MROH9: variants seen among roughly 807,000 people sequenced by gnomAD.
The protein encoded by MROH9 is maestro heat like repeat family member 9.
A neutral mutation model predicts 98.2 loss-of-function variants in MROH9; 92 were observed. That is an observed-to-expected ratio of 0.94 (90% CI 0.79 to 1.11). The LOEUF (loss-of-function observed/expected upper bound fraction) is 1.11. Among genes scored for constraint, MROH9 ranks in the 50% most tolerant of loss-of-function variants. The pLI, the probability that MROH9 is intolerant of heterozygous loss-of-function variation, is 0.00. For missense variants in MROH9, 1,057 were observed against 1,014.8 expected, an observed-to-expected ratio of 1.04 and a Z score of -0.57; for synonymous variants, 397 against 368.9, an observed-to-expected ratio of 1.08 and a Z score of -0.87.
At chr1:170,948,992 A>C (rs1219054069) in intron 3 of MROH9, among the ~76,000 whole-genome samples, 1 of 152,136 alleles carries the variant, frequency 6.6e-6, no homozygotes, top group Non-Finnish European at 1.5e-5. Context: ...GGCAAAGTGA[A>C]GGAAGCAGGA....
rs761335755 is a variant in MROH9, at chr1:170,947,590, A to G, written c.72+17A>G. The G allele has an allele frequency of 6.3e-7, 1 of 1,590,270 alleles. No homozygotes were observed. ...CACCACATGGTAAGTGATATTCTAT[A>G]AGGATATCAACGTAACTGAATTCTC... is the stretch of plus-strand genomic sequence containing the variant. On this transcript the variant is annotated intron_variant, in intron 3 of 21. Coordinates refer to ENST00000367759, the MANE Select transcript of MROH9 (RefSeq NM_001163629.2).
intron 12 of MROH9, among the ~76,000 whole-genome samples, chr1:170,992,986 A>C (rs1651414848): frequency 6.6e-6 from 1 of 152,220 alleles, no homozygotes; most frequent in Non-Finnish European, 1.5e-5. Context: ...GAGACAGAGT[A>C]GTATAAAGTT....
chr1:170,987,288 T>C lies in MROH9; in HGVS notation c.879+578T>C, dbSNP rs147277501. Among the ~76,000 whole-genome samples, 45 of 152,354 alleles carry C rather than the reference T, an allele frequency of 3.0e-4. 1 individual carries two copies. The highest frequency in any genetic ancestry group is 1.0e-3 in the African/African-American group (42 of 41,586). On this transcript the variant is annotated intron_variant, in intron 10 of 21. Transcript: ENST00000367759. ...GCTTTAGAATTTTTAAAGAAATACA[T>C]TAACAGCAATAAAATAGTATAGCTG...
At chr1:170,995,660 C>G in intron 13 of MROH9, 129 bp downstream of exon 13, 1 of 1,085,016 alleles carries the variant, frequency 9.2e-7, no homozygotes, top group Non-Finnish European at 1.3e-6. Flanking sequence ...TTACAGTTTT[C>G]TCTCCTCTGA....
At chr1:171,050,204 C>T (rs954558050) in intron 20 of MROH9, among the ~76,000 whole-genome samples, 4 of 151,920 alleles carry the variant, frequency 2.6e-5, no homozygotes, top group African/African-American at 9.7e-5. Context: ...ATTTCTTTAC[C>T]CAAGCCAATG....
chr1:170,947,365 T>C (rs781121294), intron 2 of MROH9, among the ~76,000 whole-genome samples, 162 bp from the exon 3 acceptor site: 1 of 152,032 alleles, frequency 6.6e-6, no homozygotes, highest in Non-Finnish European at 1.5e-5. Flanking sequence ...TGTCCAGTAA[T>C]ACTCACAGTA....
At chr1:170,960,919 G>A (rs1386032735) in intron 5 of MROH9, among the ~76,000 whole-genome samples, 1 of 152,182 alleles carries the variant, frequency 6.6e-6, no homozygotes, top group East Asian at 1.9e-4. Context: ...GTGTGGCACT[G>A]TGCCTGGCCT....
intron 20 of MROH9, among the ~76,000 whole-genome samples, chr1:171,038,229 G>C (rs990533054): frequency 6.6e-6 from 1 of 151,814 alleles, no homozygotes; most frequent in Non-Finnish European, 1.5e-5. Context: ...AAAAATGGAC[G>C]AAGTACACAC....
At chr1:170,944,516 G>T (rs931700899) in intron 1 of MROH9, among the ~76,000 whole-genome samples, 8 of 151,862 alleles carry the variant, frequency 5.3e-5, no homozygotes, top group African/African-American at 1.9e-4. Flanking sequence ...CCAGCAATAT[G>T]TTACATACTC....
chr1:171,044,333 A>C (rs1255275694), intron 20 of MROH9, among the ~76,000 whole-genome samples: 1 of 152,152 alleles, frequency 6.6e-6, no homozygotes, highest in Admixed American at 6.5e-5. Flanking sequence ...ATGATGGATG[A>C]TCTTTCTAAT....
At chr1:170,966,182 G>A (rs748438013) in intron 7 of MROH9, among the ~76,000 whole-genome samples, 2 of 151,930 alleles carry the variant, frequency 1.3e-5, no homozygotes, top group South Asian at 4.1e-4. Flanking sequence ...AAATATTAAG[G>A]TGCCCATTTC....
At chr1:170,985,650 A>T (rs1651104070) in intron 9 of MROH9, among the ~76,000 whole-genome samples, 1 of 152,192 alleles carries the variant, frequency 6.6e-6, no homozygotes, top group South Asian at 2.1e-4. Flanking sequence ...CTGCCCTCCA[A>T]TATTTTTTAA....
At chr1:170,947,059 C>T (rs777585400) in intron 2 of MROH9, among the ~76,000 whole-genome samples, 9 of 151,492 alleles carry the variant, frequency 5.9e-5, no homozygotes, top group Admixed American at 2.0e-4. Context: ...TTAATAAGAA[C>T]ACTTCTATTT....
chr1:171,034,546 G>A (rs1022866956), intron 20 of MROH9, among the ~76,000 whole-genome samples: 1 of 152,154 alleles, frequency 6.6e-6, no homozygotes, highest in Non-Finnish European at 1.5e-5. Flanking sequence ...CATTTAATGA[G>A]CAGAGGTATG....
intron 15 of MROH9, among the ~76,000 whole-genome samples, chr1:171,007,203 T>C (rs28597668): frequency 0.23 from 35,316 of 152,132 alleles, 4,775 homozygotes; most frequent in African/African-American, 0.37. Flanking sequence ...CCTGGGTGCT[T>C]CTGGGACTTG....
chr1:171,040,427 A>G (rs1436846670), intron 20 of MROH9, among the ~76,000 whole-genome samples: 1 of 152,154 alleles, frequency 6.6e-6, no homozygotes, highest in Non-Finnish European at 1.5e-5. Flanking sequence ...TGTGTTACAC[A>G]CAAAAAGGGT....
chr1:171,000,956 AT>A (rs1384132487), intron 15 of MROH9, among the ~76,000 whole-genome samples: 2 of 151,870 alleles, frequency 1.3e-5, no homozygotes, highest in Non-Finnish European at 2.9e-5. Flanking sequence ...ATTCTTCCTG[AT>A]TTAAGCTAGG....
chr1:170,976,142 C>T (rs1387587580), intron 8 of MROH9, among the ~76,000 whole-genome samples: 1 of 151,948 alleles, frequency 6.6e-6, no homozygotes, highest in Admixed American at 6.6e-5. Flanking sequence ...AGCATTTAGC[C>T]CATTTACCTT....
rs564975825 is a variant in MROH9 at position 171,056,300 on chromosome 1, C to T, written c.2282-5832C>T. On this transcript the variant is annotated intron_variant, in intron 20 of 21. Transcript: ENST00000367759. ...AGCTCCAGGCTGTGCTTTTCCCCTG[C>T]TGGAACCAGTAGGGCTGGACACCTT... is the stretch of plus-strand genomic sequence containing the variant. Among the ~76,000 whole-genome samples, 319 of 152,310 alleles carry T rather than the reference C, an allele frequency of 2.1e-3. 2 individuals are homozygous for T. The highest frequency in any genetic ancestry group is 2.9e-3 in the Non-Finnish European group (195 of 68,024).
Sources: gnomAD v4.1 joint callset for allele counts (sites outside exome capture counted in the v4.1 genomes callset) on GRCh38, gnomAD v4.1.1 for gene constraint, MANE v1.5 for transcripts, NCBI Gene and HGNC (gene_info 2026-07-23, HGNC 2026-07-21) for gene names.